The following GRIN3A variants were observed in gnomAD, a reference collection of about 807,000 sequenced individuals.
GRIN3A encodes glutamate ionotropic receptor NMDA type subunit 3A.
A neutral mutation model predicts 92.4 loss-of-function variants in GRIN3A; 47 were observed. The observed-to-expected ratio is 0.51, with a 90% CI of 0.40 to 0.65. GRIN3A has a LOEUF of 0.65. Among genes scored for constraint, GRIN3A ranks in the 30% least tolerant of loss-of-function variants. The pLI, the probability that GRIN3A is intolerant of heterozygous loss-of-function variation, is 0.00. For missense variants in GRIN3A, 1,324 were observed against 1,393.1 expected, an observed-to-expected ratio of 0.95 and a Z score of 0.79; for synonymous variants, 527 against 540.6, an observed-to-expected ratio of 0.97 and a Z score of 0.35.
chr9:101,603,876 G>A lies in GRIN3A; in HGVS notation c.2766+9500C>T, dbSNP rs1489815448. 2.0e-5 allele frequency among the ~76,000 whole-genome samples: 3 copies of A among 152,174 alleles called. 1 individual carries two copies. Among genetic ancestry groups the A allele is most frequent in the South Asian group, 4.1e-4 (2 of 4,830 alleles). ...CTGGTTTTGCCTGGAGGCTTCTTCC[G>A]CTACAGGGGTTACCTCCTCCAGGAA... On this transcript the variant is annotated intron_variant, in intron 6 of 8. Transcript: ENST00000361820.
intron 4 of GRIN3A, among the ~76,000 whole-genome samples, chr9:101,627,006 T>C (rs1369538373): frequency 3.9e-5 from 6 of 152,340 alleles, no homozygotes; most frequent in African/African-American, 1.4e-4. Context: ...TGCTGGGGAC[T>C]GCAGCAGTAG....
intron 6 of GRIN3A, among the ~76,000 whole-genome samples, chr9:101,588,350 G>T (rs1180190203): frequency 6.6e-6 from 1 of 152,080 alleles, no homozygotes; most frequent in Non-Finnish European, 1.5e-5. Flanking sequence ...CACACATTTG[G>T]ATAAACAAGG....
chr9:101,625,838 A>T (rs1359663079), intron 4 of GRIN3A, among the ~76,000 whole-genome samples: 3 of 152,232 alleles, frequency 2.0e-5, no homozygotes, highest in Non-Finnish European at 4.4e-5. Context: ...GCAACAAGTT[A>T]TCACTTGCCA....
intron 1 of GRIN3A, among the ~76,000 whole-genome samples, chr9:101,703,962 C>T (rs191794283): frequency 4.4e-4 from 67 of 152,228 alleles, no homozygotes; most frequent in Non-Finnish European, 1.5e-4. Context: ...ATATCTTTAT[C>T]TAATTTAGTT....
intron 5 of GRIN3A, among the ~76,000 whole-genome samples, chr9:101,619,184 C>A (rs1420405505): frequency 6.6e-6 from 1 of 152,146 alleles, no homozygotes; most frequent in Non-Finnish European, 1.5e-5. Context: ...AAAATAGCAT[C>A]TCAGATAGGG....
rs1157679879 is a variant in GRIN3A, at chr9:101,689,767, CA to C, written c.700-2568del. Among the ~76,000 whole-genome samples the C allele has an allele frequency of 8.6e-5, 13 of 151,348 alleles. No homozygotes were observed. The South Asian group carries it at 2.7e-3, about 31-fold the overall frequency. The stretch of plus-strand genomic sequence containing the variant: ...ATACACACACACACACACACACACA[CA>C]CACACAAAGATTATGAAAACTTATA... On this transcript the variant is annotated intron_variant, in intron 1 of 8. Coordinates refer to ENST00000361820, the MANE Select transcript of GRIN3A (RefSeq NM_133445.3).
intron 6 of GRIN3A, among the ~76,000 whole-genome samples, chr9:101,601,685 G>T (rs1828213291): frequency 6.6e-6 from 1 of 152,052 alleles, no homozygotes. Context: ...GTGGTTTGTG[G>T]TCATCTTTGG....
chr9:101,605,626 C>G (rs1487546030), intron 6 of GRIN3A, among the ~76,000 whole-genome samples: 1 of 152,124 alleles, frequency 6.6e-6, no homozygotes, highest in Non-Finnish European at 1.5e-5. Context: ...GACTGAAGGT[C>G]AGATGGAGGC....
intron 1 of GRIN3A, among the ~76,000 whole-genome samples, chr9:101,719,767 C>A (rs1023681244): frequency 6.6e-6 from 1 of 152,174 alleles, no homozygotes; most frequent in Non-Finnish European, 1.5e-5. Context: ...TGATCATTTC[C>A]AGTATTTCAA....
intron 1 of GRIN3A, 35 bp from the exon 2 acceptor site, chr9:101,687,235 A>T (rs201365403): frequency 6.2e-7 from 1 of 1,611,358 alleles, no homozygotes; most frequent in Non-Finnish European, 8.5e-7. Flanking sequence ...AGAATTAGAA[A>T]GCATTGGCCA....
chr9:101,610,927 T>G (rs1404897596), intron 6 of GRIN3A, among the ~76,000 whole-genome samples: 3 of 151,896 alleles, frequency 2.0e-5, no homozygotes, highest in Non-Finnish European at 4.4e-5. Flanking sequence ...TTAAACCCTG[T>G]CTCCACTAAA....
chr9:101,648,263 T>C (rs528384044), intron 3 of GRIN3A, among the ~76,000 whole-genome samples: 3 of 152,066 alleles, frequency 2.0e-5, no homozygotes, highest in African/African-American at 7.2e-5. Context: ...CCATAATCTG[T>C]ACAGTTTCCA....
intron 6 of GRIN3A, among the ~76,000 whole-genome samples, chr9:101,589,517 T>C (rs1027853979): frequency 6.6e-6 from 1 of 152,234 alleles, no homozygotes; most frequent in African/African-American, 2.4e-5. Flanking sequence ...TTTATTGAAT[T>C]AGCAAGCCTA....
intron 3 of GRIN3A, among the ~76,000 whole-genome samples, chr9:101,661,057 G>A (rs1368985270): frequency 6.6e-6 from 1 of 151,706 alleles, no homozygotes; most frequent in Non-Finnish European, 1.5e-5. Flanking sequence ...GAATAAACTG[G>A]GTGGAAATGA....
At chr9:101,646,969 A>T (rs1175292166) in intron 3 of GRIN3A, among the ~76,000 whole-genome samples, 1 of 151,738 alleles carries the variant, frequency 6.6e-6, no homozygotes, top group South Asian at 2.1e-4. Flanking sequence ...TTCCTTTCCA[A>T]TTTGGATGCT....
intron 6 of GRIN3A, among the ~76,000 whole-genome samples, chr9:101,589,327 G>A (rs914654900): frequency 2.6e-5 from 4 of 152,174 alleles, no homozygotes; most frequent in Admixed American, 2.0e-4. Flanking sequence ...TGCAATGAGT[G>A]AGATTACCTG....
intron 1 of GRIN3A, among the ~76,000 whole-genome samples, chr9:101,702,290 AG>A (rs1829765668): frequency 1.3e-5 from 2 of 152,252 alleles, no homozygotes; most frequent in South Asian, 4.2e-4. Context: ...TGACAGAGTG[AG>A]ACTCTAATCT....
At chr9:101,587,130 T>C (rs937951185) in intron 6 of GRIN3A, among the ~76,000 whole-genome samples, 1 of 152,036 alleles carries the variant, frequency 6.6e-6, no homozygotes, top group East Asian at 1.9e-4. Flanking sequence ...ATCAACATGG[T>C]GAAACCCTGT....
intron 1 of GRIN3A, among the ~76,000 whole-genome samples, chr9:101,717,706 T>A (rs976533110): frequency 1.3e-5 from 1 of 77,920 alleles, no homozygotes; most frequent in Non-Finnish European, 2.7e-5. Flanking sequence ...ATTTTAAATG[T>A]CAAGAATGTT....
Sources: allele counts gnomAD v4.1 joint callset (sites outside exome capture counted in the v4.1 genomes callset), GRCh38; gene constraint gnomAD v4.1.1; transcripts MANE v1.5; gene names NCBI Gene and HGNC (gene_info 2026-07-23, HGNC 2026-07-21).